DNAH11: variants seen among roughly 807,000 people sequenced by gnomAD.
The protein encoded by DNAH11 is axonemal beta dynein heavy chain 11.
Under a neutral mutation model 526.0 loss-of-function variants are expected in DNAH11, and 442 were observed. The observed-to-expected ratio is 0.84, with a 90% CI of 0.78 to 0.91. The LOEUF (loss-of-function observed/expected upper bound fraction) is 0.91, where lower values mean the gene tolerates loss of function less well. DNAH11 is among the 40% of genes least tolerant of loss of function. The pLI is 0.00. For synonymous variants in DNAH11, 2,461 were observed against 1,935.9 expected (o/e 1.27, Z -7.12); for missense variants, 6,989 against 5,448.7 (o/e 1.28, Z -8.90).
At chr7:21,717,952 G>GT in intron 43 of DNAH11, 27 bp downstream of exon 43, 5 of 1,594,524 alleles carry the variant, frequency 3.1e-6, no homozygotes, top group Non-Finnish European at 4.3e-6. Context: ...GCCATTTAAC[G>GT]TTCTAGTTCT....
intron 57 of DNAH11, among the ~76,000 whole-genome samples, 165 bp from the exon 58 acceptor site, chr7:21,784,262 A>G (rs1788078046): frequency 6.6e-6 from 1 of 152,226 alleles, no homozygotes; most frequent in Non-Finnish European, 1.5e-5. Context: ...CTTTGTATAT[A>G]TACTATGTCT....
chr7:21,548,178 C>G (rs1396639072), intron 2 of DNAH11, among the ~76,000 whole-genome samples: 1 of 134,498 alleles, frequency 7.4e-6, no homozygotes, highest in African/African-American at 2.8e-5. Context: ...ATGGTGCCAT[C>G]TGGGGCGGTA....
Position 21,769,288 on chromosome 7 carries a change from T to C in DNAH11, c.9102+3699T>C, listed in dbSNP as rs79972766. Among the ~76,000 whole-genome samples the C allele has an allele frequency of 5.2e-3, 788 of 152,306 alleles. 9 individuals carry two copies. The highest frequency in any genetic ancestry group is 0.018 in the African/African-American group (748 of 41,568). On this transcript the variant is annotated intron_variant, in intron 55 of 81. Coordinates refer to ENST00000409508, the MANE Select transcript of DNAH11 (RefSeq NM_001277115.2). ...CCTCATAAGTAGGGTCCAGACTTTG[T>C]AGCTGCCCAGGAATCTGGACATGAA...
At chr7:21,801,017 A>G in intron 61 of DNAH11, 120 bp from the exon 62 acceptor site, 1 of 1,064,752 alleles carries the variant, frequency 9.4e-7, no homozygotes, top group South Asian at 1.5e-5. Context: ...GTAAAGGGGC[A>G]AAGGTTAATG....
intron 60 of DNAH11, 120 bp from the exon 61 acceptor site, chr7:21,789,121 T>C: frequency 1.4e-6 from 1 of 727,864 alleles, no homozygotes; most frequent in Middle Eastern, 2.9e-4. Flanking sequence ...AGACCCCATC[T>C]CAATAAAAAA....
chr7:21,632,351 C>G (rs988850794), intron 25 of DNAH11, among the ~76,000 whole-genome samples: 1 of 152,194 alleles, frequency 6.6e-6, no homozygotes, highest in Non-Finnish European at 1.5e-5. Flanking sequence ...GTTACTTTTG[C>G]AAATTTCTGC....
At chr7:21,606,168 C>G (rs916330098) in intron 18 of DNAH11, among the ~76,000 whole-genome samples, 1 of 151,952 alleles carries the variant, frequency 6.6e-6, no homozygotes, top group Non-Finnish European at 1.5e-5. Flanking sequence ...ACAACAAATA[C>G]AAAAATTATC....
intron 66 of DNAH11, among the ~76,000 whole-genome samples, chr7:21,847,928 G>A (rs1197937899): frequency 2.0e-5 from 3 of 152,106 alleles, no homozygotes; most frequent in Non-Finnish European, 4.4e-5. Flanking sequence ...CACTTTGGGA[G>A]GCTGAGACGG....
At chr7:21,590,416 C>G (rs1784630155) in intron 12 of DNAH11, among the ~76,000 whole-genome samples, 3 of 152,266 alleles carry the variant, frequency 2.0e-5, no homozygotes, top group Middle Eastern at 3.4e-3. Context: ...CCTTAAACAT[C>G]TAGCTGAATT....
In DNAH11 at chr7:21,663,957, T is replaced by G. The variant is rs972495394; in HGVS notation, c.5328+4926T>G. On this transcript the variant is annotated intron_variant, in intron 30 of 81. Coordinates refer to ENST00000409508, the MANE Select transcript of DNAH11 (RefSeq NM_001277115.2). ...TATATATCTCCATTAGTCAGATTGC[T>G]GGATCATATGGTAATTCTATTTTTA... Among the ~76,000 whole-genome samples, 8 of 152,044 alleles carry G rather than the reference T, an allele frequency of 5.3e-5. No homozygotes were observed. In the South Asian group the frequency reaches 6.2e-4, roughly 12 times the overall value.
At chr7:21,637,510 C>G (rs1355057865) in intron 26 of DNAH11, 101 bp from the exon 27 acceptor site, 3 of 823,150 alleles carry the variant, frequency 3.6e-6, no homozygotes, top group Non-Finnish European at 6.1e-6. Flanking sequence ...TTGACCTTGC[C>G]TCTTCATTCT....
At chr7:21,895,722 C>T (rs1307183969) in intron 79 of DNAH11, among the ~76,000 whole-genome samples, 2 of 152,076 alleles carry the variant, frequency 1.3e-5, no homozygotes, top group Non-Finnish European at 2.9e-5. Flanking sequence ...TTGTAGCATG[C>T]ACACTTTTGA....
intron 21 of DNAH11, among the ~76,000 whole-genome samples, chr7:21,615,720 A>G (rs1785742952): frequency 6.6e-6 from 1 of 152,258 alleles, no homozygotes; most frequent in South Asian, 2.1e-4. Context: ...AGTAAGTTCT[A>G]GGGAATGAGG....
At chr7:21,625,265 A>G (rs886578333) in intron 25 of DNAH11, among the ~76,000 whole-genome samples, 1 of 151,936 alleles carries the variant, frequency 6.6e-6, no homozygotes, top group African/African-American at 2.4e-5. Flanking sequence ...GGTAGGTTGT[A>G]TGTTTCTAGG....
intron 49 of DNAH11, among the ~76,000 whole-genome samples, chr7:21,743,175 A>G (rs1299748749): frequency 6.6e-6 from 1 of 152,252 alleles, no homozygotes; most frequent in African/African-American, 2.4e-5. Flanking sequence ...AGTGGAAGCA[A>G]AGGTAGATGT....
At chr7:21,789,797 C>CTTTCTTTCTTTCTTTCTT (rs1562547060) in intron 61 of DNAH11, among the ~76,000 whole-genome samples, 4 of 68,288 alleles carry the variant, frequency 5.9e-5, no homozygotes, top group African/African-American at 2.2e-4. Context: ...TTCTTTCTTT[C>CTTTCTTTCTTTCTTTCTT]TTTCTTTCTT....
At position 21,591,014 on chromosome 7, in the gene DNAH11, A is replaced by G; in HGVS notation, c.2266A>G (p.Ile756Val). The change falls in exon 13 of 82, where the codon ATT becomes GTT. Residue 756 changes from isoleucine to valine, a missense_variant. By Grantham distance (29) the Ile-to-Val change is conservative. Transcript: ENST00000409508. ...AGCCATCTTCAAGAAAAGGAACACT[A>G]TTTTAAAGGTTTGTGATTTTTGTTA... ...ALAIFKKRNT[I>V]LKYIGNLDLL... 6.6e-7 allele frequency: 1 copy of G among 1,504,120 alleles called. No homozygotes were observed. Among genetic ancestry groups the G allele is most frequent in the Non-Finnish European group, 8.8e-7 (1 of 1,136,240 alleles). 93.2% of individuals were successfully genotyped at this position (1,504,120 alleles called of 1,614,324 possible).
chr7:21,649,620 C>T (rs563056250), intron 28 of DNAH11, among the ~76,000 whole-genome samples: 1 of 151,482 alleles, frequency 6.6e-6, no homozygotes. Flanking sequence ...AACTGGCATG[C>T]ACCATGAGGA....
rs1232898416 is a variant in DNAH11 at position 21,655,856 on chromosome 7, T to A, written c.4969T>A (p.Phe1657Ile). Residue 1657 changes from phenylalanine (F) to isoleucine (I), a missense_variant, in exon 29 of 82, where the codon TTC becomes ATC. By Grantham distance (21) the Phe-to-Ile change is conservative (BLOSUM62 0). Coordinates refer to ENST00000409508, the MANE Select transcript of DNAH11 (RefSeq NM_001277115.2). ...KQVTCHLAKL[F>I]DSIADLQFED... ...GGTAACATGTCACCTTGCCAAACTTTTCGACAGCATTGCAGATCTGCAGTT... is the reference window on the plus strand; with the variant it reads ...GGTAACATGTCACCTTGCCAAACTTATCGACAGCATTGCAGATCTGCAGTT... 6.2e-7 allele frequency: 1 copy of A among 1,613,222 alleles called. No homozygotes were observed. Among genetic ancestry groups the A allele is most frequent in the Admixed American group, 1.7e-5 (1 of 59,904 alleles).
Sources: allele counts gnomAD v4.1 joint callset (sites outside exome capture counted in the v4.1 genomes callset), GRCh38; gene constraint gnomAD v4.1.1; transcripts MANE v1.5; gene names NCBI Gene and HGNC (gene_info 2026-07-23, HGNC 2026-07-21).